The following RAI1 variants were observed in gnomAD, a reference collection of about 807,000 sequenced individuals.
RAI1 encodes the protein retinoic acid-induced protein 1.
Under a neutral mutation model 123.8 loss-of-function variants are expected in RAI1, and 9 were observed. The ratio of observed to expected loss-of-function variants is 0.07; its 90% CI spans 0.04 to 0.13. RAI1 has a LOEUF of 0.13. Ranked by LOEUF, RAI1 falls within the 10% of genes least tolerant of loss-of-function variation. RAI1 has a pLI of 1.00. For missense variants in RAI1, 2,256 were observed against 2,545.8 expected (o/e 0.89, Z 2.45); for synonymous variants, 1,231 against 1,127.3 (o/e 1.09, Z -1.84).
intron 2 of RAI1, among the ~76,000 whole-genome samples, chr17:17,756,958 A>G (rs2030463010): frequency 6.6e-6 from 1 of 151,940 alleles, no homozygotes. Flanking sequence ...TGCCTTTCAG[A>G]GTTTGTGGGC....
chr17:17,777,656 T>A (rs1307795684), intron 2 of RAI1: 1 of 152,108 alleles, frequency 6.6e-6, no homozygotes, highest in Non-Finnish European at 1.5e-5. Context: ...ACCTGTGTTT[T>A]GGGAAGGGAT....
chr17:17,808,422 ATTTTATT>A (rs1567940416), intron 4 of RAI1, among the ~76,000 whole-genome samples: 2,222 of 113,874 alleles, frequency 0.02, 45 homozygotes, highest in African/African-American at 0.057. Flanking sequence ...TTATTATTTT[ATTTTATT>A]TTATTTTATT....
chr17:17,690,775 A>G (rs1419694778), intron 1 of RAI1, among the ~76,000 whole-genome samples: 2 of 152,308 alleles, frequency 1.3e-5, no homozygotes, highest in South Asian at 2.1e-4. Flanking sequence ...CCAGAGCCCA[A>G]GTGGACAAAG....
At chr17:17,719,209 T>A (rs1455441049) in intron 1 of RAI1, among the ~76,000 whole-genome samples, 2 of 152,068 alleles carry the variant, frequency 1.3e-5, no homozygotes, top group East Asian at 3.9e-4. Flanking sequence ...CCATCCCTGC[T>A]CAAAACACTG....
intron 1 of RAI1, among the ~76,000 whole-genome samples, chr17:17,700,179 G>C (rs1915169275): frequency 6.6e-6 from 1 of 152,236 alleles, no homozygotes; most frequent in South Asian, 2.1e-4. Flanking sequence ...TGCTTCTTTG[G>C]GAAAGCACAT....
chr17:17,768,225 T>C (rs1190515916), intron 2 of RAI1, among the ~76,000 whole-genome samples: 2 of 152,136 alleles, frequency 1.3e-5, no homozygotes, highest in Admixed American at 1.3e-4. Flanking sequence ...GCCAGGACTA[T>C]CTTTGTGGCC....
chr17:17,750,709 A>AAAAAG (rs1309044558), intron 2 of RAI1, among the ~76,000 whole-genome samples: 3 of 151,492 alleles, frequency 2.0e-5, no homozygotes, highest in South Asian at 2.1e-4. Context: ...AAAAAAAAAA[A>AAAAAG]AAAAGAAAAG....
intron 2 of RAI1, among the ~76,000 whole-genome samples, chr17:17,792,357 ATGCT>A (rs1246851722): frequency 6.6e-6 from 1 of 151,562 alleles, no homozygotes; most frequent in Non-Finnish European, 1.5e-5. Flanking sequence ...GAGCATACAT[ATGCT>A]TGTGTGCACG....
chr17:17,787,868 C>T (rs1324528784), intron 2 of RAI1, among the ~76,000 whole-genome samples: 1 of 152,206 alleles, frequency 6.6e-6, no homozygotes, highest in Non-Finnish European at 1.5e-5. Context: ...CTTAGCAGGT[C>T]TCAGCTGTCC....
intron 2 of RAI1, among the ~76,000 whole-genome samples, chr17:17,740,517 G>A (rs1486603130): frequency 1.3e-5 from 2 of 152,194 alleles, no homozygotes; most frequent in African/African-American, 4.8e-5. Context: ...GCCGTGCTGG[G>A]GGCTTCGAAT....
Position 17,794,502 on chromosome 17 carries a change from G to A in RAI1, c.1554G>A (p.Leu518=). The change falls in exon 3 of 6, where the codon CTG becomes CTA. Residue 518 remains leucine, a synonymous_variant. Coordinates refer to ENST00000353383, the MANE Select transcript of RAI1 (RefSeq NM_030665.4). ...THAEPQEADY[L]SGSEDPLERS... The stretch of plus-strand genomic sequence containing the variant: ...CGGAGCCGCAGGAGGCCGACTACCT[G>A]AGCGGCTCCGAGGACCCACTGGAGC... 6.2e-7 allele frequency: 1 copy of A among 1,612,132 alleles called. No homozygotes were observed. Among genetic ancestry groups the A allele is most frequent in the Non-Finnish European group, 8.5e-7 (1 of 1,179,584 alleles).
At position 17,794,955 on chromosome 17, in the gene RAI1, C is replaced by T; in HGVS notation, c.2007C>T (p.Asp669=). 1.2e-6 allele frequency: 2 copies of T among 1,613,802 alleles called. No individual in the cohort carries two copies. The highest frequency in any genetic ancestry group is 1.1e-5 in the South Asian group (1 of 91,082). Residue 669 remains aspartate (D), a synonymous_variant, in exon 3 of 6, where the codon GAC becomes GAT. Coordinates refer to ENST00000353383, the MANE Select transcript of RAI1 (RefSeq NM_030665.4). ...CTGGGGAGCCGGAGGCCCTGCCCGA[C>T]TCCTTGCAGCTGGACAAGGGCGGCA... ...PRPGEPEALP[D]SLQLDKGGNA... is the part of the protein sequence containing the mutation.
intron 1 of RAI1, among the ~76,000 whole-genome samples, chr17:17,697,232 C>T (rs1210392583): frequency 6.6e-6 from 1 of 152,210 alleles, no homozygotes; most frequent in African/African-American, 2.4e-5. Flanking sequence ...GCTGAAGAGA[C>T]AAGAGGATGC....
rs2032654767 is a variant in RAI1 at position 17,809,150 on chromosome 17, A to G, written c.5660-240A>G. The G allele has an allele frequency of 1.7e-6, 1 of 590,804 alleles. No individual in the cohort carries two copies. The highest frequency in any genetic ancestry group is 2.9e-5 in the East Asian group (1 of 34,030). 36.6% of individuals were successfully genotyped at this position (590,804 alleles called of 1,614,324 possible). Reference sequence around the variant, plus strand: ...GGGGCGGCACGTGGAACTCAGGGGGAAAAGCTCTCCGCGGAGGAGGTGAGG... The same window carrying G: ...GGGGCGGCACGTGGAACTCAGGGGGGAAAGCTCTCCGCGGAGGAGGTGAGG... On this transcript the variant is annotated intron_variant, in intron 4 of 5. Transcript: ENST00000353383. The surrounding 1 kb of genome is among the most constrained non-coding windows in gnomAD (Gnocchi z 4.9).
chr17:17,807,227 C>T (rs917130491), intron 4 of RAI1, among the ~76,000 whole-genome samples: 2 of 116,748 alleles, frequency 1.7e-5, no homozygotes, highest in African/African-American at 6.8e-5. Flanking sequence ...GGGCCCCCAG[C>T]GTGACTCTGC....
rs1184385004 is a variant in RAI1, at chr17:17,800,581, A to G, written c.5565+2068A>G. On this transcript the variant is annotated intron_variant, in intron 3 of 5. Coordinates refer to ENST00000353383, the MANE Select transcript of RAI1 (RefSeq NM_030665.4). This position sits in a 1 kb window ranked among gnomAD's most constrained non-coding sequence, Gnocchi z 4.7. ...CAAGGTCCTGCTGGACTGAGGAGAC[A>G]GTGTGTGTTGGAGAGGCGCTAGCTT... is the stretch of plus-strand genomic sequence containing the variant. Among the ~76,000 whole-genome samples the G allele has an allele frequency of 1.3e-5, 2 of 151,978 alleles. No individual in the cohort carries two copies. Among genetic ancestry groups the G allele is most frequent in the Admixed American group, 1.3e-4 (2 of 15,250 alleles).
At chr17:17,764,148 C>A (rs1430043617) in intron 2 of RAI1, among the ~76,000 whole-genome samples, 1 of 152,224 alleles carries the variant, frequency 6.6e-6, no homozygotes, top group African/African-American at 2.4e-5. Context: ...CCACAAAGAC[C>A]AAGAAGGTTC....
chr17:17,709,104 G>A (rs10468465), intron 1 of RAI1, among the ~76,000 whole-genome samples: 2,239 of 152,250 alleles, frequency 0.015, 53 homozygotes, highest in African/African-American at 0.051. Flanking sequence ...TTTCCCATAT[G>A]CTCCAGCAGC....
intron 1 of RAI1, among the ~76,000 whole-genome samples, chr17:17,700,620 C>G (rs902391145): frequency 6.6e-6 from 1 of 152,122 alleles, no homozygotes; most frequent in Non-Finnish European, 1.5e-5. Flanking sequence ...AAACGACGCC[C>G]GGCGGGGAGG....
Sources: gnomAD v4.1 joint callset for allele counts (sites outside exome capture counted in the v4.1 genomes callset) on GRCh38, gnomAD v4.1.1 for gene constraint, Gnocchi (gnomAD v3.1) non-coding constraint, MANE v1.5 for transcripts, NCBI Gene and HGNC (gene_info 2026-07-23, HGNC 2026-07-21) for gene names.